The following ASIC2 variants were observed in gnomAD, a reference collection of about 807,000 sequenced individuals.
The protein encoded by ASIC2 is acid-sensing ion channel 2.
A neutral mutation model predicts 57.3 loss-of-function variants in ASIC2; 25 were observed. The ratio of observed to expected loss-of-function variants is 0.44; its 90% CI spans 0.32 to 0.61. The LOEUF is 0.61. Ranked by LOEUF, ASIC2 falls within the 20% of genes least tolerant of loss-of-function variation. The pLI, the probability that ASIC2 is intolerant of heterozygous loss-of-function variation, is 0.06. For missense variants in ASIC2, 641 were observed against 738.1 expected (o/e 0.87, Z 1.52); for synonymous variants, 319 against 307.5 (o/e 1.04, Z -0.39).
intron 1 of ASIC2, among the ~76,000 whole-genome samples, chr17:33,120,920 C>T (rs975211562): frequency 5.9e-5 from 9 of 152,136 alleles, no homozygotes; most frequent in African/African-American, 1.9e-4. Context: ...CCAGGCAGCC[C>T]TGGTTTCAAA....
intron 1 of ASIC2, among the ~76,000 whole-genome samples, chr17:33,682,060 C>T (rs866737486): frequency 1.4e-4 from 17 of 122,770 alleles, no homozygotes; most frequent in South Asian, 2.7e-4. Context: ...TCAGTGACAT[C>T]TTTTTTTTTT....
chr17:33,258,644 A>T (rs888394158), intron 1 of ASIC2, among the ~76,000 whole-genome samples: 1 of 152,214 alleles, frequency 6.6e-6, no homozygotes, highest in Non-Finnish European at 1.5e-5. Context: ...AGGAGGTCTT[A>T]GTGGCTGCAA....
intron 1 of ASIC2, among the ~76,000 whole-genome samples, chr17:33,327,657 T>G (rs1274010017): frequency 6.6e-6 from 1 of 152,106 alleles, no homozygotes; most frequent in Non-Finnish European, 1.5e-5. Flanking sequence ...TGTAGAAATA[T>G]AGGATGCCAA....
At chr17:34,126,827 G>C (rs980750213) in intron 1 of ASIC2, among the ~76,000 whole-genome samples, 15 of 152,158 alleles carry the variant, frequency 9.9e-5, no homozygotes, top group Non-Finnish European at 2.9e-5. Flanking sequence ...GCTGAGCGGG[G>C]CCTGAGGCGC....
intron 1 of ASIC2, among the ~76,000 whole-genome samples, chr17:33,934,935 ACTGTG>A (rs1372099816): frequency 6.6e-6 from 1 of 151,886 alleles, no homozygotes; most frequent in Admixed American, 6.6e-5. Flanking sequence ...CCCATTCTCC[ACTGTG>A]CTGGAAAGGT....
At chr17:33,723,754 G>T (rs1248996216) in intron 1 of ASIC2, among the ~76,000 whole-genome samples, 1 of 152,214 alleles carries the variant, frequency 6.6e-6, no homozygotes, top group Non-Finnish European at 1.5e-5. Context: ...GAGCTTTGTG[G>T]ATGATGGACG....
chr17:33,693,149 G>C (rs1286275877), intron 1 of ASIC2, among the ~76,000 whole-genome samples: 1 of 152,096 alleles, frequency 6.6e-6, no homozygotes, highest in Non-Finnish European at 1.5e-5. Context: ...TTGTAGGCTT[G>C]CTATTCTGTC....
intron 1 of ASIC2, among the ~76,000 whole-genome samples, chr17:33,361,174 T>C (rs1292698388): frequency 6.6e-6 from 1 of 152,116 alleles, no homozygotes; most frequent in Non-Finnish European, 1.5e-5. Context: ...AAATGAAATG[T>C]CTAAGGAGGA....
At chr17:33,579,286 CAAA>C (rs71362894) in intron 1 of ASIC2, among the ~76,000 whole-genome samples, 2 of 103,682 alleles carry the variant, frequency 1.9e-5, no homozygotes, top group Non-Finnish European at 1.9e-5. Context: ...AACTGTGTCT[CAAA>C]AAAAAAAAAA....
chr17:33,776,731 G>T (rs918486666), intron 1 of ASIC2, among the ~76,000 whole-genome samples: 1 of 152,148 alleles, frequency 6.6e-6, no homozygotes, highest in Non-Finnish European at 1.5e-5. Context: ...GAGCTCTACC[G>T]TGGCTTTTTC....
At chr17:33,131,929 T>C (rs923027328) in intron 1 of ASIC2, among the ~76,000 whole-genome samples, 1 of 151,378 alleles carries the variant, frequency 6.6e-6, no homozygotes, top group Non-Finnish European at 1.5e-5. Context: ...AAATCAAGAG[T>C]AGCCTCAGAG....
intron 1 of ASIC2, among the ~76,000 whole-genome samples, chr17:33,353,999 A>C (rs1400555172): frequency 6.6e-6 from 1 of 152,122 alleles, no homozygotes; most frequent in African/African-American, 2.4e-5. Context: ...CCTCACATTC[A>C]TGTTGGAAGG....
At chr17:33,735,778 G>A (rs940734243) in intron 1 of ASIC2, among the ~76,000 whole-genome samples, 6 of 152,076 alleles carry the variant, frequency 3.9e-5, no homozygotes, top group Non-Finnish European at 8.8e-5. Context: ...CTAATGATTA[G>A]AAGGGTCTCC....
At chr17:33,443,405 GA>G (rs1219461279) in intron 1 of ASIC2, among the ~76,000 whole-genome samples, 1 of 99,478 alleles carries the variant, frequency 1.0e-5, no homozygotes, top group Non-Finnish European at 2.1e-5. Context: ...TGGAGGGTAA[GA>G]TTTTTTTTTT....
intron 1 of ASIC2, among the ~76,000 whole-genome samples, chr17:33,426,833 A>T (rs1264762059): frequency 6.6e-6 from 1 of 152,202 alleles, no homozygotes; most frequent in African/African-American, 2.4e-5. Context: ...ACATTATTGC[A>T]GTTTGCAATA....
At chr17:33,132,431 C>A (rs1597594713) in intron 1 of ASIC2, among the ~76,000 whole-genome samples, 2 of 152,220 alleles carry the variant, frequency 1.3e-5, no homozygotes, top group Middle Eastern at 3.4e-3. Flanking sequence ...CTGGAACACA[C>A]ATTCTAACAT....
At chr17:33,137,727 C>T (rs1047426559) in intron 1 of ASIC2, among the ~76,000 whole-genome samples, 6 of 152,160 alleles carry the variant, frequency 3.9e-5, no homozygotes, top group Admixed American at 3.9e-4. Flanking sequence ...TCACTATTCT[C>T]AGGAAGTGCC....
chr17:33,021,111 T>C, intron 7 of ASIC2, 108 bp downstream of exon 7: 2 of 738,316 alleles, frequency 2.7e-6, no homozygotes, highest in Non-Finnish European at 4.4e-6. Context: ...AAGGTTAGAC[T>C]CCTCCGAGGC....
intron 1 of ASIC2, among the ~76,000 whole-genome samples, chr17:33,840,405 ATG>A (rs1429700609): frequency 6.6e-6 from 1 of 152,212 alleles, no homozygotes; most frequent in Non-Finnish European, 1.5e-5. Context: ...CGCTTCAGGC[ATG>A]GGAAACAGCT....
Sources: allele counts gnomAD v4.1 joint callset (sites outside exome capture counted in the v4.1 genomes callset), GRCh38; gene constraint gnomAD v4.1.1; transcripts MANE v1.5; gene names NCBI Gene and HGNC (gene_info 2026-07-23, HGNC 2026-07-21).